Variants in MTRF1 observed in about 807,000 individuals in gnomAD.
MTRF1 encodes the protein peptide chain release factor 1, mitochondrial.
Under a neutral mutation model 62.9 loss-of-function variants are expected in MTRF1, and 51 were observed. The ratio of observed to expected loss-of-function variants is 0.81; its 90% CI spans 0.65 to 1.02. MTRF1 has a LOEUF of 1.02. Ranked by LOEUF, MTRF1 falls within the 50% of genes least tolerant of loss-of-function variation. The pLI, the probability that MTRF1 is intolerant of heterozygous loss-of-function variation, is 0.00. For synonymous variants in MTRF1, 158 were observed against 181.9 expected (o/e 0.87, Z 1.06); for missense variants, 446 against 530.0 (o/e 0.84, Z 1.56).
chr13:41,219,287 T>C (rs1480855189), intron 9 of MTRF1, among the ~76,000 whole-genome samples: 1 of 101,154 alleles, frequency 9.9e-6, no homozygotes. Flanking sequence ...CAAGACTCTG[T>C]CTCAAAAAAA....
chr13:41,251,938 G>T (rs918578668), intron 5 of MTRF1, among the ~76,000 whole-genome samples: 1 of 151,650 alleles, frequency 6.6e-6, no homozygotes, highest in Non-Finnish European at 1.5e-5. Flanking sequence ...GGAGTGTACT[G>T]GTGTGATCTT....
At chr13:41,285,806 C>T in the MTRF1 span, among the ~76,000 whole-genome samples, 5 of 152,040 alleles carry the variant, frequency 3.3e-5, no homozygotes, top group Non-Finnish European at 7.4e-5. Context: ...CTGGGCCGGG[C>T]GTGGTGGCTC....
intron 9 of MTRF1, among the ~76,000 whole-genome samples, chr13:41,220,282 C>T (rs1487140341): frequency 7.2e-6 from 1 of 138,346 alleles, no homozygotes; most frequent in Admixed American, 7.6e-5. Flanking sequence ...GAGATTCCAC[C>T]ACTGCACTCC....
At chr13:41,305,456 A>T in the MTRF1 span, among the ~76,000 whole-genome samples, 2 of 152,314 alleles carry the variant, frequency 1.3e-5, no homozygotes, top group Non-Finnish European at 2.9e-5. Context: ...ACAAACAAAC[A>T]GACAAACAAA....
At chr13:41,269,251 G>A in the MTRF1 span, among the ~76,000 whole-genome samples, 1,633 of 132,058 alleles carry the variant, frequency 0.012, 23 homozygotes, top group Middle Eastern at 0.023. Context: ...CTAGACTGGA[G>A]TGCAATGGCT....
chr13:41,226,560 C>T lies in MTRF1; in HGVS notation c.997G>A (p.Val333Ile), dbSNP rs1384633493. 1 of 1,613,454 alleles carries T rather than the reference C, an allele frequency of 6.2e-7. No homozygotes were observed. Among genetic ancestry groups the T allele is most frequent in the East Asian group, 2.2e-5 (1 of 44,864 alleles). ...TGTGATCTTTCTTGTTGGCATTCTACTACTAGCCCTGAAAAATAACAGGGA... is the reference window on the plus strand; with the variant it reads ...TGTGATCTTTCTTGTTGGCATTCTATTACTAGCCCTGAAAAATAACAGGGA... ...RLVHIPTGLV[V>I]ECQQERSQIK... The change falls in exon 8 of 10, where the codon GTA becomes ATA. Residue 333 changes from valine to isoleucine, a missense_variant. By Grantham distance (29) the Val-to-Ile change is conservative. Coordinates refer to ENST00000379480, the MANE Select transcript of MTRF1 (RefSeq NM_004294.4).
the MTRF1 span, among the ~76,000 whole-genome samples, chr13:41,275,947 T>C: frequency 6.6e-6 from 1 of 152,196 alleles, no homozygotes; most frequent in South Asian, 2.1e-4. Flanking sequence ...TGCAAGGCCA[T>C]AATCACTTGC....
chr13:41,263,282 C>G (rs906875512), intron 1 of MTRF1: 2 of 1,289,228 alleles, frequency 1.6e-6, no homozygotes, highest in Non-Finnish European at 2.0e-6. Flanking sequence ...CACCTGAGAA[C>G]AGCACGACTT....
chr13:41,284,248 G>C, the MTRF1 span, among the ~76,000 whole-genome samples: 1 of 151,548 alleles, frequency 6.6e-6, no homozygotes, highest in Non-Finnish European at 1.5e-5. Flanking sequence ...CACTTTGGGA[G>C]GCTGAGGTGG....
chr13:41,291,770 C>T, the MTRF1 span, among the ~76,000 whole-genome samples: 1 of 152,060 alleles, frequency 6.6e-6, no homozygotes, highest in Non-Finnish European at 1.5e-5. Flanking sequence ...AAATACAGAT[C>T]CAACAAATTT....
the MTRF1 span, among the ~76,000 whole-genome samples, chr13:41,286,680 C>CA: frequency 3.3e-5 from 5 of 152,214 alleles, no homozygotes; most frequent in Non-Finnish European, 7.3e-5. Flanking sequence ...CACTCCACTC[C>CA]AGTACACCCA....
intron 9 of MTRF1, among the ~76,000 whole-genome samples, chr13:41,220,331 A>G (rs1459630985): frequency 6.6e-6 from 1 of 151,418 alleles, no homozygotes; most frequent in Non-Finnish European, 1.5e-5. Flanking sequence ...TCGGAAAAAA[A>G]AAAAAAAAAA....
At chr13:41,275,791 C>A in the MTRF1 span, among the ~76,000 whole-genome samples, 2 of 152,138 alleles carry the variant, frequency 1.3e-5, no homozygotes. Flanking sequence ...CTGTGCCCAG[C>A]CTAAGAACAG....
At chr13:41,295,945 A>AT in the MTRF1 span, among the ~76,000 whole-genome samples, 1 of 149,924 alleles carries the variant, frequency 6.7e-6, no homozygotes, top group Admixed American at 6.7e-5. Context: ...AGCTAATTAA[A>AT]TTTTTTTTTC....
Position 41,232,398 on chromosome 13 carries a change from C to T in MTRF1, c.988+1492G>A, listed in dbSNP as rs574066870. Among the ~76,000 whole-genome samples, 109 of 151,882 alleles carry T rather than the reference C, an allele frequency of 7.2e-4. 1 individual carries two copies. The highest frequency in any genetic ancestry group is 2.0e-3 in the Admixed American group (30 of 15,260). On this transcript the variant is annotated intron_variant, in intron 7 of 9. Transcript: ENST00000379480. Reference sequence around the variant, plus strand: ...TCTAATATCTAACTAATAGAAATCCCAGGAAGAATAAATAAAATGTTATGC... The same window carrying T: ...TCTAATATCTAACTAATAGAAATCCTAGGAAGAATAAATAAAATGTTATGC...
chr13:41,277,023 C>T, the MTRF1 span, among the ~76,000 whole-genome samples: 1 of 152,132 alleles, frequency 6.6e-6, no homozygotes, highest in Non-Finnish European at 1.5e-5. Flanking sequence ...CCATCCCTTC[C>T]CTCTAACTAA....
At chr13:41,280,436 T>C in the MTRF1 span, among the ~76,000 whole-genome samples, 4 of 152,202 alleles carry the variant, frequency 2.6e-5, no homozygotes, top group South Asian at 4.1e-4. Flanking sequence ...CCTAAAAATA[T>C]ATAAAACCAA....
rs759116814 is a variant in MTRF1, at chr13:41,260,731, C to T, written c.177G>A (p.Arg59=). ...TCTTGGTGTCTTGATGGCAATATCT[C>T]CTGGACCAATTCTTACTTAACAGAT... ...ILHLLSKNWS[R]RYCHQDTKML... is the part of the protein sequence containing the mutation. The change falls in exon 2 of 10, where the codon AGG becomes AGA. Residue 59 remains arginine, a synonymous_variant. Coordinates refer to ENST00000379480, the MANE Select transcript of MTRF1 (RefSeq NM_004294.4). The T allele has an allele frequency of 5.6e-6, 9 of 1,614,060 alleles. No individual in the cohort carries two copies. The African/African-American group carries it at 1.1e-4, about 19-fold the overall frequency.
rs567647816 is a variant in MTRF1, at chr13:41,240,518, A to C, written c.698-85T>G. 133 of 1,297,720 alleles carry C rather than the reference A, an allele frequency of 1.0e-4. 1 individual carries two copies. In the South Asian group the frequency reaches 1.8e-3, roughly 18 times the overall value. 80.4% of individuals were successfully genotyped at this position (1,297,720 alleles called of 1,614,324 possible). Reference sequence around the variant, plus strand: ...TAAATGTCCTTAATCTAAGGCCTGAATGTTGAGTACAGAGCCTAAGATGAG... The same window carrying C: ...TAAATGTCCTTAATCTAAGGCCTGACTGTTGAGTACAGAGCCTAAGATGAG... On this transcript the variant is annotated intron_variant, in intron 5 of 9. Transcript: ENST00000379480.
Sources: allele counts gnomAD v4.1 joint callset (sites outside exome capture counted in the v4.1 genomes callset), GRCh38; gene constraint gnomAD v4.1.1; transcripts MANE v1.5; gene names NCBI Gene and HGNC (gene_info 2026-07-23, HGNC 2026-07-21).